Variants in VWC2 observed in about 807,000 individuals in gnomAD.
VWC2 encodes the protein von Willebrand factor C domain containing 2, also known as brorin.
In VWC2, 14 loss-of-function variants were observed where a neutral mutation model predicts 29.8. The ratio of observed to expected loss-of-function variants is 0.47; its 90% CI spans 0.31 to 0.74. The LOEUF (loss-of-function observed/expected upper bound fraction) is 0.74. Among genes scored for constraint, VWC2 ranks in the 30% least tolerant of loss-of-function variants. The pLI is 0.05. For missense variants in VWC2, 457 were observed against 459.8 expected (o/e 0.99, Z 0.05); for synonymous variants, 213 against 199.0 (o/e 1.07, Z -0.59).
chr7:49,775,417 C>G lies in VWC2; in HGVS notation c.-19C>G. On this transcript the variant is annotated 5_prime_UTR_variant, in exon 2 of 4. Coordinates refer to ENST00000340652, the MANE Select transcript of VWC2 (RefSeq NM_198570.5). Reference sequence around the variant, plus strand: ...CGGCCGCGCTCCCCGCCCGCCCGCCCGCCGGGACGTGGTAGGGGATGCCCA... The same window carrying G: ...CGGCCGCGCTCCCCGCCCGCCCGCCGGCCGGGACGTGGTAGGGGATGCCCA... 1.5e-6 allele frequency: 2 copies of G among 1,316,514 alleles called. No homozygotes were observed. The highest frequency in any genetic ancestry group is 1.9e-5 in the South Asian group (1 of 51,314). 81.6% of individuals were successfully genotyped at this position (1,316,514 alleles called of 1,614,324 possible). A position where few individuals can be genotyped will look rare whatever the true frequency, so the allele number is the denominator to read the frequency against.
intron 3 of VWC2, among the ~76,000 whole-genome samples, chr7:49,869,019 T>G (rs1791025425): frequency 6.6e-6 from 1 of 152,232 alleles, no homozygotes; most frequent in East Asian, 1.9e-4. Context: ...AGCTATGAAT[T>G]AAGAAAATAT....
At chr7:49,789,564 C>A (rs914526894) in intron 2 of VWC2, among the ~76,000 whole-genome samples, 4 of 152,088 alleles carry the variant, frequency 2.6e-5, no homozygotes, top group Non-Finnish European at 2.9e-5. Context: ...TTTTAAAAGT[C>A]TATTCTTAGG....
At chr7:49,800,588 G>A (rs963619933) in intron 2 of VWC2, among the ~76,000 whole-genome samples, 5 of 152,072 alleles carry the variant, frequency 3.3e-5, no homozygotes, top group Admixed American at 1.3e-4. Flanking sequence ...TCTCCATCAT[G>A]TAATCCACAC....
chr7:49,777,770 A>G (rs1442289443), intron 2 of VWC2, among the ~76,000 whole-genome samples: 1 of 152,084 alleles, frequency 6.6e-6, no homozygotes, highest in African/African-American at 2.4e-5. Flanking sequence ...GTGCAGAACA[A>G]AAGTTCACAG....
intron 3 of VWC2, among the ~76,000 whole-genome samples, chr7:49,835,727 G>T (rs1013286065): frequency 5.3e-5 from 8 of 152,206 alleles, no homozygotes; most frequent in Non-Finnish European, 1.2e-4. Flanking sequence ...TTTAGGGTTT[G>T]GCAGCATTGT....
At chr7:49,778,431 A>T (rs1420836989) in intron 2 of VWC2, among the ~76,000 whole-genome samples, 1 of 152,202 alleles carries the variant, frequency 6.6e-6, no homozygotes, top group African/African-American at 2.4e-5. Context: ...AACGTTGCAA[A>T]GTTGTTACAT....
At chr7:49,902,225 A>G (rs189235697) in intron 3 of VWC2, among the ~76,000 whole-genome samples, 138 of 152,138 alleles carry the variant, frequency 9.1e-4, no homozygotes, top group Non-Finnish European at 1.3e-4. Flanking sequence ...TCTCTGAAAG[A>G]TGTTCTCAAA....
chr7:49,783,438 G>C (rs536706300), intron 2 of VWC2, among the ~76,000 whole-genome samples: 1 of 152,166 alleles, frequency 6.6e-6, no homozygotes. Context: ...GAAAAGAAAA[G>C]AGTGTATCAA....
intron 3 of VWC2, among the ~76,000 whole-genome samples, chr7:49,887,050 C>T (rs523562): frequency 0.033 from 4,967 of 152,126 alleles, 294 homozygotes; most frequent in African/African-American, 0.11. Flanking sequence ...TTTAAACCAT[C>T]GCAATTCCTC....
rs1421910627 is a variant in VWC2 at position 49,773,715 on chromosome 7, C to CACGGCTGCCCAGACATT, written c.-501_-485dup. On this transcript the variant is annotated 5_prime_UTR_variant, in exon 1 of 4. The change abolishes the stop of an existing upstream ORF in the 5' untranslated region. Transcript: ENST00000340652. ...GGCTTCTCTTTTCCCTCCGACGCGC[C>CACGGCTGCCCAGACATT]ACGGCTGCCCAGACATTCCGGCTGC... 2 of 152,318 alleles carry CACGGCTGCCCAGACATT rather than the reference C, an allele frequency of 1.3e-5. No individual in the cohort carries two copies. Among genetic ancestry groups the CACGGCTGCCCAGACATT allele is most frequent in the East Asian group, 1.9e-4 (1 of 5,158 alleles). 9.4% of individuals were successfully genotyped at this position (152,318 alleles called of 1,614,324 possible).
In VWC2 at chr7:49,791,206, C is replaced by G. The variant is rs531378569; in HGVS notation, c.697-11505C>G. ...ATGGAAGGGACTTCGTGACTTGCCT[C>G]TACGTGCACCCTAAGGGTGTGAGCT... On this transcript the variant is annotated intron_variant, in intron 2 of 3. Transcript: ENST00000340652. Among the ~76,000 whole-genome samples, 4 of 152,318 alleles carry G rather than the reference C, an allele frequency of 2.6e-5. 1 individual carries two copies. Among genetic ancestry groups the G allele is most frequent in the African/African-American group, 9.6e-5 (4 of 41,578 alleles).
intron 3 of VWC2, among the ~76,000 whole-genome samples, chr7:49,863,724 C>A (rs779512147): frequency 2.0e-5 from 3 of 152,186 alleles, no homozygotes; most frequent in Non-Finnish European, 4.4e-5. Context: ...AGCCACTGCA[C>A]CTGGTCTGCT....
At chr7:49,867,839 T>C (rs958418729) in intron 3 of VWC2, among the ~76,000 whole-genome samples, 1 of 81,180 alleles carries the variant, frequency 1.2e-5, no homozygotes, top group Non-Finnish European at 3.2e-5. Context: ...TTTATTATTT[T>C]ATTTTATTTT....
intron 3 of VWC2, among the ~76,000 whole-genome samples, chr7:49,820,215 C>A (rs549184391): frequency 6.6e-6 from 1 of 152,098 alleles, no homozygotes; most frequent in Non-Finnish European, 1.5e-5. Flanking sequence ...CCCACAGCCG[C>A]TCTGTAGCTC....
At chr7:49,847,542 G>A (rs1789990398) in intron 3 of VWC2, among the ~76,000 whole-genome samples, 1 of 152,142 alleles carries the variant, frequency 6.6e-6, no homozygotes, top group Non-Finnish European at 1.5e-5. Flanking sequence ...AACAGATCAT[G>A]AGATGATCAT....
At chr7:49,893,444 GA>G (rs1792229765) in intron 3 of VWC2, among the ~76,000 whole-genome samples, 1 of 152,072 alleles carries the variant, frequency 6.6e-6, no homozygotes, top group Admixed American at 6.6e-5. Flanking sequence ...GACAAAATTT[GA>G]TTTTTTTCGT....
intron 2 of VWC2, among the ~76,000 whole-genome samples, chr7:49,785,061 C>T (rs1788265363): frequency 6.6e-6 from 1 of 152,068 alleles, no homozygotes. Context: ...AGAAATATAT[C>T]CCCAATCCTA....
At chr7:49,778,264 T>C (rs374525528) in intron 2 of VWC2, among the ~76,000 whole-genome samples, 30 of 152,188 alleles carry the variant, frequency 2.0e-4, no homozygotes, top group African/African-American at 6.7e-4. Context: ...GGAGATGATA[T>C]TGACAAAAGG....
rs527838798 is a variant in VWC2, at chr7:49,843,293, C to T, written c.826+40453C>T. Among the ~76,000 whole-genome samples the T allele has an allele frequency of 9.2e-5, 14 of 152,270 alleles. No individual in the cohort carries two copies. In the East Asian group the frequency reaches 2.7e-3, roughly 29 times the overall value. On this transcript the variant is annotated intron_variant, in intron 3 of 3. Transcript: ENST00000340652. Reference sequence around the variant, plus strand: ...TAAACTTCATTTTCTCATGGGTGAGCCCCTTTCCTGATGGCTCCAGGAACA... The same window carrying T: ...TAAACTTCATTTTCTCATGGGTGAGTCCCTTTCCTGATGGCTCCAGGAACA...
Sources: allele counts gnomAD v4.1 joint callset (sites outside exome capture counted in the v4.1 genomes callset), GRCh38; gene constraint gnomAD v4.1.1; transcripts MANE v1.5; gene names NCBI Gene and HGNC (gene_info 2026-07-23, HGNC 2026-07-21).